The following SULF2 variants were observed in gnomAD, a reference collection of about 807,000 sequenced individuals.
SULF2 encodes the protein sulfatase 2.
In SULF2, 52 loss-of-function variants were observed where a neutral mutation model predicts 107.7. The observed-to-expected ratio is 0.48, with a 90% CI of 0.39 to 0.61. The LOEUF (loss-of-function observed/expected upper bound fraction) is 0.61, where lower values mean the gene tolerates loss of function less well. SULF2 is among the 20% of genes least tolerant of loss of function. The pLI, the probability that SULF2 is intolerant of heterozygous loss-of-function variation, is 0.00. For missense variants in SULF2, 993 were observed against 1,177.3 expected (o/e 0.84, Z 2.29); for synonymous variants, 460 against 464.3 (o/e 0.99, Z 0.12).
intron 1 of SULF2, among the ~76,000 whole-genome samples, chr20:47,780,887 C>G (rs1381020724): frequency 1.3e-5 from 2 of 152,200 alleles, no homozygotes; most frequent in African/African-American, 2.4e-5. Flanking sequence ...ACAGCCCCTG[C>G]ATTAGGCAGG....
Position 47,666,288 on chromosome 20 carries a change from C to T in SULF2, c.1777G>A (p.Ala593Thr). 6.2e-7 allele frequency: 1 copy of T among 1,614,196 alleles called. No individual in the cohort carries two copies. Among genetic ancestry groups the T allele is most frequent in the Non-Finnish European group, 8.5e-7 (1 of 1,180,050 alleles). Residue 593 changes from alanine to threonine, a missense_variant, in exon 12 of 21, where the codon GCC becomes ACC. This residue lies in a region of SULF2 where 497 missense variants were observed against 544.1 expected (regional missense o/e 0.91). Coordinates refer to ENST00000688720, the MANE Select transcript of SULF2 (RefSeq NM_001387048.1). This position sits in a 1 kb window ranked among gnomAD's most constrained non-coding sequence, Gnocchi z 5.4. ...TGTGTCACTTTAATGGGGTTGGCGG[C>T]TGAGTAGTCGGGAAGGCCTCCAGTG... The part of the protein sequence containing the change: ...SGTGGLPDYS[A>T]ANPIKVTHRC...
At chr20:47,728,016 T>C (rs943383625) in intron 3 of SULF2, among the ~76,000 whole-genome samples, 1 of 152,100 alleles carries the variant, frequency 6.6e-6, no homozygotes, top group Non-Finnish European at 1.5e-5. Context: ...GGCTGTGCAA[T>C]TCCCGTGGAT....
chr20:47,763,422 A>T (rs1250591236), intron 1 of SULF2, among the ~76,000 whole-genome samples: 1 of 152,212 alleles, frequency 6.6e-6, no homozygotes, highest in African/African-American at 2.4e-5. Context: ...GTTTAGAAAG[A>T]CCCAGATGGG....
rs1367004287 is a variant in SULF2, at chr20:47,765,370, AC to A, written c.-100-7908del. The stretch of plus-strand genomic sequence containing the variant: ...CTGCCTTAAAAAAAAACAAAACAAA[AC>A]AAAAAAAAAAAAACAGGAGAGAGAA... On this transcript the variant is annotated intron_variant, in intron 1 of 20. Coordinates refer to ENST00000688720, the MANE Select transcript of SULF2 (RefSeq NM_001387048.1). Among the ~76,000 whole-genome samples the A allele has an allele frequency of 5.6e-3, 526 of 94,022 alleles. 4 individuals carry two copies. The highest frequency in any genetic ancestry group is 0.023 in the African/African-American group (502 of 21,476). The allele number at this position is 94,022 out of a possible 152,430, so 61.7% of individuals were successfully genotyped here.
intron 1 of SULF2, among the ~76,000 whole-genome samples, chr20:47,762,736 C>T (rs1364336894): frequency 2.0e-5 from 3 of 152,324 alleles, no homozygotes; most frequent in African/African-American, 7.2e-5. Context: ...CATTGGGAGC[C>T]CTGGGCTGGG....
Position 47,658,330 on chromosome 20 carries a change from C to G in SULF2, c.*32G>C, listed in dbSNP as rs770659776. 6.2e-7 allele frequency: 1 copy of G among 1,613,096 alleles called. No individual in the cohort carries two copies. The highest frequency in any genetic ancestry group is 1.3e-5 in the African/African-American group (1 of 75,038). On this transcript the variant is annotated 3_prime_UTR_variant, in exon 21 of 21. Coordinates refer to ENST00000688720, the MANE Select transcript of SULF2 (RefSeq NM_001387048.1). ...TTGCCTGTGCAGTCAGGTGATGCCTCTATGTTTTTGGAGGTCCACCTCTGT... is the reference window on the plus strand; with the variant it reads ...TTGCCTGTGCAGTCAGGTGATGCCTGTATGTTTTTGGAGGTCCACCTCTGT...
chr20:47,731,187 C>CTCTCTCTTTTT (rs1186229502), intron 3 of SULF2, among the ~76,000 whole-genome samples: 1 of 81,172 alleles, frequency 1.2e-5, no homozygotes, highest in African/African-American at 6.2e-5. Flanking sequence ...TGTATCTTCT[C>CTCTCTCTTTTT]TTTTTTTTTT....
chr20:47,765,305 G>C (rs2090505607), intron 1 of SULF2, among the ~76,000 whole-genome samples: 1 of 150,780 alleles, frequency 6.6e-6, no homozygotes, highest in Non-Finnish European at 1.5e-5. Context: ...AGTGAGCCGA[G>C]ATCGAGCCAC....
intron 1 of SULF2, among the ~76,000 whole-genome samples, chr20:47,759,587 G>A (rs1310873346): frequency 6.6e-6 from 1 of 152,214 alleles, no homozygotes; most frequent in Admixed American, 6.5e-5. Flanking sequence ...AGCTACTCGG[G>A]AGGCTGAGGC....
intron 1 of SULF2, among the ~76,000 whole-genome samples, chr20:47,765,167 C>T (rs535132042): frequency 1.1e-4 from 17 of 151,922 alleles, no homozygotes; most frequent in African/African-American, 2.7e-4. Flanking sequence ...CTGGGTAACA[C>T]GGTGAAACCC....
Position 47,674,262 on chromosome 20 carries a change from G to T in SULF2, c.1381-1869C>A, listed in dbSNP as rs531061958. 1.3e-3 allele frequency among the ~76,000 whole-genome samples: 199 copies of T among 152,340 alleles called. 4 individuals carry two copies. The highest frequency in any genetic ancestry group is 8.8e-4 in the Non-Finnish European group (60 of 68,036). Reference sequence around the variant, plus strand: ...GTCCCGAGGCTGTCCTGGCGGGGGCGGCGCCTGAGCCCCACAGGGCTGGGC... The same window carrying T: ...GTCCCGAGGCTGTCCTGGCGGGGGCTGCGCCTGAGCCCCACAGGGCTGGGC... On this transcript the variant is annotated intron_variant, in intron 10 of 20. Coordinates refer to ENST00000688720, the MANE Select transcript of SULF2 (RefSeq NM_001387048.1).
At chr20:47,749,519 T>C (rs2090116889) in intron 2 of SULF2, among the ~76,000 whole-genome samples, 1 of 152,230 alleles carries the variant, frequency 6.6e-6, no homozygotes, top group African/African-American at 2.4e-5. Context: ...GAGGCTGAGC[T>C]GGAAGTTACC....
chr20:47,755,652 C>G (rs56320712), intron 2 of SULF2, among the ~76,000 whole-genome samples: 40,067 of 152,120 alleles, frequency 0.26, 5,980 homozygotes, highest in Non-Finnish European at 0.34. Context: ...ATCACCCCAT[C>G]GGCCTCTGAA....
intron 4 of SULF2, 141 bp from the exon 5 acceptor site, chr20:47,690,436 AG>A: frequency 3.8e-6 from 2 of 529,860 alleles, no homozygotes; most frequent in Non-Finnish European, 5.9e-6. Flanking sequence ...CTGACAGTCT[AG>A]GGAGCAGACA....
intron 4 of SULF2, among the ~76,000 whole-genome samples, chr20:47,695,097 T>C (rs1435121522): frequency 2.6e-5 from 4 of 152,206 alleles, no homozygotes; most frequent in African/African-American, 9.7e-5. Context: ...GGCCAGACAG[T>C]AAATATTTTA....
intron 3 of SULF2, among the ~76,000 whole-genome samples, chr20:47,718,152 C>G: frequency 6.6e-6 from 1 of 151,966 alleles, no homozygotes; most frequent in East Asian, 1.9e-4. Context: ...GCAGGCAGGT[C>G]TGAGGGCTGG....
intron 3 of SULF2, among the ~76,000 whole-genome samples, chr20:47,704,750 T>C (rs2088675370): frequency 6.6e-6 from 1 of 152,162 alleles, no homozygotes; most frequent in Admixed American, 6.5e-5. Context: ...CAGGAGGTTG[T>C]AGGGATGTAA....
chr20:47,735,727 G>C (rs963897525), intron 3 of SULF2, among the ~76,000 whole-genome samples: 2 of 152,220 alleles, frequency 1.3e-5, no homozygotes, highest in African/African-American at 4.8e-5. Context: ...TATGGGATGA[G>C]GCTGTAAGAA....
At chr20:47,719,453 C>G (rs1284689846) in intron 3 of SULF2, among the ~76,000 whole-genome samples, 1 of 152,140 alleles carries the variant, frequency 6.6e-6, no homozygotes, top group Non-Finnish European at 1.5e-5. Context: ...TAAGGACGAT[C>G]GCCCAGGATG....
Sources: allele counts gnomAD v4.1 joint callset (sites outside exome capture counted in the v4.1 genomes callset), GRCh38; gene constraint gnomAD v4.1.1; regional missense constraint gnomAD v4.1.1; non-coding constraint Gnocchi (gnomAD v3.1); transcripts MANE v1.5; gene names NCBI Gene and HGNC (gene_info 2026-07-23, HGNC 2026-07-21).